The following CELF1 variants were observed in gnomAD, a reference collection of about 807,000 sequenced individuals.
CELF1 encodes CUGBP Elav-like family member 1.
CELF1 carries 10 observed loss-of-function variants against 61.8 expected under a neutral mutation model. That is an observed-to-expected ratio of 0.16 (90% CI 0.10 to 0.27). CELF1 has a LOEUF of 0.27. Among genes scored for constraint, CELF1 ranks in the 10% least tolerant of loss-of-function variants. CELF1 has a pLI of 1.00. For missense variants in CELF1, 380 were observed against 639.1 expected, an observed-to-expected ratio of 0.59 and a Z score of 4.37; for synonymous variants, 236 against 225.1, an observed-to-expected ratio of 1.05 and a Z score of -0.43.
chr11:47,531,363 A>G (rs969388289), intron 1 of CELF1, among the ~76,000 whole-genome samples: 1 of 152,022 alleles, frequency 6.6e-6, no homozygotes, highest in Non-Finnish European at 1.5e-5. Context: ...CGGTTACAAG[A>G]TAGAGACCAT....
In CELF1 at chr11:47,476,220, T is replaced by C. The variant is rs113197593; in HGVS notation, c.1087+626A>G. On this transcript the variant is annotated intron_variant, in intron 12 of 14. Coordinates refer to ENST00000687097, the MANE Select transcript of CELF1 (RefSeq NM_001376376.1). ...GTTGCTCAGGCTGGTCTGGAACTTG[T>C]GACCTAGGGTGATCCCCTGCTTTGG... Among the ~76,000 whole-genome samples the C allele has an allele frequency of 6.9e-3, 1,047 of 152,234 alleles. 14 individuals are homozygous for C. The highest frequency in any genetic ancestry group is 0.023 in the African/African-American group (970 of 41,528).
At chr11:47,542,226 C>G (rs1333561186) in intron 1 of CELF1, among the ~76,000 whole-genome samples, 1 of 152,080 alleles carries the variant, frequency 6.6e-6, no homozygotes, top group Non-Finnish European at 1.5e-5. Flanking sequence ...AAAAATTAGC[C>G]AGGCATGCTG....
rs149049544 is a variant in CELF1, at chr11:47,483,198, G to A, written c.606+255C>T. On this transcript the variant is annotated intron_variant, in intron 8 of 14. Transcript: ENST00000687097. ...GGGGATCACTTGAGCCTGGGTGGTT[G>A]GGGCTGCAGTGAGCCATGATATTCC... 1.9e-3 allele frequency among the ~76,000 whole-genome samples: 288 copies of A among 152,190 alleles called. 1 individual carries two copies. Among genetic ancestry groups the A allele is most frequent in the Middle Eastern group, 0.014 (4 of 294 alleles).
At chr11:47,488,568 A>C (rs554960941) in intron 4 of CELF1, among the ~76,000 whole-genome samples, 2 of 152,184 alleles carry the variant, frequency 1.3e-5, no homozygotes, top group Non-Finnish European at 2.9e-5. Context: ...ACTGCCCAAG[A>C]CCCAATTTAC....
chr11:47,540,574 C>T (rs898632164), intron 1 of CELF1, among the ~76,000 whole-genome samples: 1 of 152,120 alleles, frequency 6.6e-6, no homozygotes, highest in East Asian at 1.9e-4. Flanking sequence ...GAGACTCTTG[C>T]TCAGAGAGCA....
intron 1 of CELF1, among the ~76,000 whole-genome samples, chr11:47,507,969 C>G (rs1458818338): frequency 6.6e-6 from 1 of 151,988 alleles, no homozygotes; most frequent in Non-Finnish European, 1.5e-5. Context: ...TCAAAAGTTA[C>G]CAAGAAGAAA....
chr11:47,499,238 T>G (rs986260873), intron 3 of CELF1, among the ~76,000 whole-genome samples: 1 of 152,154 alleles, frequency 6.6e-6, no homozygotes, highest in African/African-American at 2.4e-5. Context: ...ATATATCAAG[T>G]GCACCTTTAT....
In CELF1 at chr11:47,471,307, A is replaced by C. The variant is rs1038011815; in HGVS notation, c.*923T>G. The stretch of plus-strand genomic sequence containing the variant: ...AATGGTGGCTTGGGATGGAGGTGAC[A>C]TTCCTTGCTGTGGTGAACTGCAAAG... On this transcript the variant is annotated 3_prime_UTR_variant, in exon 15 of 15. Transcript: ENST00000687097. The C allele has an allele frequency of 2.0e-5, 3 of 152,206 alleles. No homozygotes were observed. The highest frequency in any genetic ancestry group is 4.4e-5 in the Non-Finnish European group (3 of 68,054). The allele number at this position is 152,206 out of a possible 1,614,324, so 9.4% of individuals were successfully genotyped here. A position where few individuals can be genotyped will look rare whatever the true frequency, so the allele number is the denominator to read the frequency against.
At chr11:47,511,354 C>CCTCTTGGGAAATATGAGGTAAT (rs56740612) in intron 1 of CELF1, among the ~76,000 whole-genome samples, 151,519 of 151,566 alleles carry the variant, frequency 1, 75,736 homozygotes, top group Middle Eastern at 1. Context: ...CTCAGGATAA[C>CCTCTTGGGAAATATGAGGTAAT]CTCTTGGGAA....
chr11:47,524,530 C>T (rs189517546), intron 1 of CELF1: 1 of 152,392 alleles, frequency 6.6e-6, no homozygotes, highest in East Asian at 1.9e-4. Flanking sequence ...TCACCTCTTT[C>T]ACTTGAAAAC....
chr11:47,518,657 T>C (rs917389474), intron 1 of CELF1, among the ~76,000 whole-genome samples: 2 of 152,214 alleles, frequency 1.3e-5, no homozygotes, highest in African/African-American at 4.8e-5. Context: ...GCAAGCTTTA[T>C]CATTCCAACT....
At chr11:47,545,532 T>C (rs1314997830) in intron 1 of CELF1, among the ~76,000 whole-genome samples, 1 of 152,160 alleles carries the variant, frequency 6.6e-6, no homozygotes, top group Non-Finnish European at 1.5e-5. Context: ...TATTAAGAGG[T>C]TAATAAGGAA....
At chr11:47,485,965 T>A (rs2086658821) in intron 6 of CELF1, among the ~76,000 whole-genome samples, 1 of 147,812 alleles carries the variant, frequency 6.8e-6, no homozygotes, top group Non-Finnish European at 1.5e-5. Context: ...ATCGAGACCA[T>A]CCTGGCTAAC....
At chr11:47,541,520 G>A (rs892329006) in intron 1 of CELF1, among the ~76,000 whole-genome samples, 7 of 150,698 alleles carry the variant, frequency 4.6e-5, no homozygotes, top group East Asian at 2.0e-4. Flanking sequence ...GTGAAACCCC[G>A]TCTCTACTTA....
intron 1 of CELF1, among the ~76,000 whole-genome samples, chr11:47,533,224 C>T (rs922722519): frequency 2.0e-5 from 3 of 152,098 alleles, no homozygotes; most frequent in African/African-American, 7.2e-5. Context: ...CAGTGACTCA[C>T]GCCTGTAATA....
At chr11:47,541,857 C>T (rs978839750) in intron 1 of CELF1, among the ~76,000 whole-genome samples, 8 of 151,018 alleles carry the variant, frequency 5.3e-5, no homozygotes, top group African/African-American at 1.5e-4. Flanking sequence ...ACTGACCCTT[C>T]GAAATTAAAA....
intron 9 of CELF1, among the ~76,000 whole-genome samples, chr11:47,481,558 G>A (rs2083260825): frequency 1.3e-5 from 2 of 152,100 alleles, no homozygotes; most frequent in South Asian, 4.1e-4. Flanking sequence ...GAAATGATGA[G>A]GAATAAATGA....
intron 2 of CELF1, among the ~76,000 whole-genome samples, chr11:47,558,301 G>A (rs947672034): frequency 1.3e-5 from 2 of 151,022 alleles, no homozygotes; most frequent in Admixed American, 6.7e-5. Context: ...GAGGTGGCCC[G>A]AGCCTGATCC....
upstream of CELF1, among the ~76,000 whole-genome samples, chr11:47,556,386 T>C (rs1467826482): frequency 1.3e-5 from 2 of 152,198 alleles, no homozygotes; most frequent in African/African-American, 2.4e-5. Context: ...GGTCTCACTA[T>C]GTTGCCCAGG....
Sources: gnomAD v4.1 joint callset for allele counts (sites outside exome capture counted in the v4.1 genomes callset) on GRCh38, gnomAD v4.1.1 for gene constraint, MANE v1.5 for transcripts, NCBI Gene and HGNC (gene_info 2026-07-23, HGNC 2026-07-21) for gene names.